The following EVC variants were observed in gnomAD, a reference collection of about 807,000 sequenced individuals.
The protein encoded by EVC is evC complex member EVC.
Under a neutral mutation model 118.9 loss-of-function variants are expected in EVC, and 116 were observed. The observed-to-expected ratio is 0.98, with a 90% CI of 0.84 to 1.14. The LOEUF (loss-of-function observed/expected upper bound fraction) is 1.14. Among genes scored for constraint, EVC ranks in the 50% most tolerant of loss-of-function variants. The pLI is 0.00. For missense variants in EVC, 1,401 were observed against 1,246.4 expected (o/e 1.12, Z -1.87); for synonymous variants, 619 against 534.7 (o/e 1.16, Z -2.18).
intron 19 of EVC, 137 bp downstream of exon 19, chr4:5,809,748 C>T (rs770788877): frequency 8.6e-6 from 7 of 812,548 alleles, no homozygotes; most frequent in Non-Finnish European, 1.4e-5. Flanking sequence ...GTGACCTTGT[C>T]TGTAAATGAG....
In EVC at chr4:5,808,298, C is replaced by G. The variant is rs767937586; in HGVS notation, c.2659C>G (p.Leu887Val). The G allele has an allele frequency of 3.7e-6, 6 of 1,614,078 alleles. No homozygotes were observed. The highest frequency in any genetic ancestry group is 2.2e-5 in the South Asian group (2 of 91,092). ...GCAGCAGGCAGGAGTCATGGACCTT[C>G]TGGAAGCCCAGCTGGAGACCCAGCT... The part of the protein sequence containing the change: ...QQQQAGVMDL[L>V]EAQLETQLQE... Residue 887 changes from leucine to valine, a missense_variant, in exon 18 of 21, where the codon CTG (leucine) becomes GTG (valine). By Grantham distance (32) the Leu-to-Val change is conservative. Coordinates refer to ENST00000264956, the MANE Select transcript of EVC (RefSeq NM_153717.3).
In EVC at chr4:5,752,728, CAGTGCCATT is replaced by C. The variant is rs940002192; in HGVS notation, c.1099-104_1099-96del. ...TCCCTCTGAGCTCCGCTCTCCCAGG[CAGTGCCATT>C]AGTTAATGACCCTGGTGGCTTCTTC... On this transcript the variant is annotated intron_variant, in intron 8 of 20. Coordinates refer to ENST00000264956, the MANE Select transcript of EVC (RefSeq NM_153717.3). 5 of 1,099,312 alleles carry C rather than the reference CAGTGCCATT, an allele frequency of 4.5e-6. No homozygotes were observed. In the Admixed American group the frequency reaches 7.0e-5, roughly 15 times the overall value. The allele number at this position is 1,099,312 out of a possible 1,614,324, so 68.1% of individuals were successfully genotyped here. A position where few individuals can be genotyped will look rare whatever the true frequency, so the allele number is the denominator to read the frequency against.
intron 2 of EVC, among the ~76,000 whole-genome samples, chr4:5,727,578 G>T (rs1277821964): frequency 3.6e-4 from 53 of 147,828 alleles, no homozygotes; most frequent in South Asian, 1.7e-3. Flanking sequence ...TTAGTTTAAT[G>T]AGATCCCATT....
chr4:5,753,590 G>T (rs1014899567), intron 9 of EVC, among the ~76,000 whole-genome samples, 195 bp from the exon 10 acceptor site: 1 of 152,156 alleles, frequency 6.6e-6, no homozygotes, highest in African/African-American at 2.4e-5. Flanking sequence ...AGACGTGGAG[G>T]CATCTGGGCT....
intron 2 of EVC, among the ~76,000 whole-genome samples, chr4:5,728,675 G>A (rs73071993): frequency 0.18 from 27,961 of 152,172 alleles, 2,703 homozygotes; most frequent in African/African-American, 0.24. Context: ...AGGTTCAGAG[G>A]AGTTAGAAGA....
intron 6 of EVC, among the ~76,000 whole-genome samples, chr4:5,744,278 C>G (rs1043363404): frequency 1.3e-5 from 2 of 152,162 alleles, no homozygotes; most frequent in African/African-American, 4.8e-5. Flanking sequence ...CATAATTTCT[C>G]TTTCACAGAG....
At chr4:5,804,589 C>A in intron 16 of EVC, 141 bp from the exon 17 acceptor site, 1 of 730,892 alleles carries the variant, frequency 1.4e-6, no homozygotes, top group Non-Finnish European at 2.5e-6. Context: ...GCACACAATG[C>A]CCTGTCCCTG....
chr4:5,735,371 A>T (rs113835593), intron 5 of EVC, among the ~76,000 whole-genome samples: 1 of 152,118 alleles, frequency 6.6e-6, no homozygotes, highest in African/African-American at 2.4e-5. Context: ...ACCCTAGTCC[A>T]CCCTTTGACA....
In EVC at chr4:5,808,240, A is replaced by C. The variant is rs1716313861; in HGVS notation, c.2601A>C (p.Pro867=). The C allele has an allele frequency of 1.2e-6, 2 of 1,601,076 alleles. No homozygotes were observed. Among genetic ancestry groups the C allele is most frequent in the Non-Finnish European group, 1.7e-6 (2 of 1,175,056 alleles). Residue 867 remains proline, a synonymous_variant, in exon 18 of 21, where the codon CCA becomes CCC. Coordinates refer to ENST00000264956, the MANE Select transcript of EVC (RefSeq NM_153717.3). ...SQQKRFLAQF[P]VHQQMRLHAQ... ...AGAAGAGGTTCCTGGCCCAGTTCCC[A>C]GTGCACCAGCAGATGCGTCTGCACG...
intron 11 of EVC, among the ~76,000 whole-genome samples, chr4:5,769,207 C>T (rs895690228): frequency 3.9e-5 from 6 of 152,144 alleles, no homozygotes; most frequent in Non-Finnish European, 8.8e-5. Flanking sequence ...AGCAAAGTCA[C>T]ATCTTAAATG....
chr4:5,733,326 T>C (rs1433020631), intron 4 of EVC, 25 bp from the exon 5 acceptor site: 7 of 1,601,420 alleles, frequency 4.4e-6, no homozygotes, highest in Non-Finnish European at 5.1e-6. Flanking sequence ...TGAAAGTCTT[T>C]TCCGCTTCTC....
intron 6 of EVC, 21 bp from the exon 7 acceptor site, chr4:5,745,183 T>A: frequency 6.2e-7 from 1 of 1,607,218 alleles, no homozygotes; most frequent in Non-Finnish European, 8.5e-7. Context: ...ATTTGCTTTC[T>A]TTTTTCTTCT....
At chr4:5,822,952 C>T in the EVC span, among the ~76,000 whole-genome samples, 2 of 152,182 alleles carry the variant, frequency 1.3e-5, no homozygotes, top group Admixed American at 6.5e-5. Flanking sequence ...TCCTTGCAGT[C>T]GGCTCCTTTC....
Position 5,798,706 on chromosome 4 carries a change from A to G in EVC, c.2218A>G (p.Met740Val), listed in dbSNP as rs2152345816. Residue 740 changes from methionine to valine, a missense_variant, in exon 15 of 21, where the codon ATG (methionine) becomes GTG (valine). By Grantham distance (21) the Met-to-Val change is conservative. Transcript: ENST00000264956. The surrounding 1 kb of genome is among the most constrained non-coding windows in gnomAD (Gnocchi z 4.1). Reference sequence around the variant, plus strand: ...GGTGGGGCAGCTTCTGCAGCAGCACATGGAGTGCGCCATTGGGCAGGCGCT... The same window carrying G: ...GGTGGGGCAGCTTCTGCAGCAGCACGTGGAGTGCGCCATTGGGCAGGCGCT... ...QEVGQLLQQH[M>V]ECAIGQALLV... The G allele has an allele frequency of 6.2e-7, 1 of 1,609,858 alleles. No individual in the cohort carries two copies. Among genetic ancestry groups the G allele is most frequent in the African/African-American group, 1.3e-5 (1 of 74,966 alleles).
rs1403176525 is a variant in EVC, at chr4:5,807,470, C to T, written c.2562-731C>T. Among the ~76,000 whole-genome samples, 8 of 152,298 alleles carry T rather than the reference C, an allele frequency of 5.3e-5. No individual in the cohort carries two copies. In the East Asian group the frequency reaches 1.5e-3, roughly 29 times the overall value. The stretch of plus-strand genomic sequence containing the variant: ...CCTGACTTCAGGTCTAGAAATTCGA[C>T]CCCTTTCAGAAAATCTGCCCTAAAA... On this transcript the variant is annotated intron_variant, in intron 17 of 20. Coordinates refer to ENST00000264956, the MANE Select transcript of EVC (RefSeq NM_153717.3).
chr4:5,801,971 G>A lies in EVC; in HGVS notation c.2326G>A (p.Val776Met). The A allele has an allele frequency of 6.2e-7, 1 of 1,613,828 alleles. No individual in the cohort carries two copies. Among genetic ancestry groups the A allele is most frequent in the Non-Finnish European group, 8.5e-7 (1 of 1,180,004 alleles). Residue 776 changes from valine (V) to methionine (M), a missense_variant, in exon 16 of 21, where the codon GTG becomes ATG. Val to Met is a conservative substitution (Grantham distance 21, BLOSUM62 1). Coordinates refer to ENST00000264956, the MANE Select transcript of EVC (RefSeq NM_153717.3). The stretch of plus-strand genomic sequence containing the variant: ...TCAGAGGACACTGATGGAGGCGGCA[G>A]TGGAGAGCGTCTACGTGACCAGCGC... ...DFKRTLMEAA[V>M]ESVYVTSAGV... is the part of the protein sequence containing the mutation.
chr4:5,754,837 G>A lies in EVC; in HGVS notation c.1464+904G>A, dbSNP rs1730920830. Among the ~76,000 whole-genome samples, 1 of 152,284 alleles carries A rather than the reference G, an allele frequency of 6.6e-6. No individual in the cohort carries two copies. The highest frequency in any genetic ancestry group is 2.1e-4 in the South Asian group (1 of 4,812). ...TGAGACCAAGGAAGGGGCAGCCCCAGCCTCACTGTTTGCCTGGGTCCGCCT... is the reference window on the plus strand; with the variant it reads ...TGAGACCAAGGAAGGGGCAGCCCCAACCTCACTGTTTGCCTGGGTCCGCCT... On this transcript the variant is annotated intron_variant, in intron 10 of 20. Coordinates refer to ENST00000264956, the MANE Select transcript of EVC (RefSeq NM_153717.3). This position sits in a 1 kb window ranked among gnomAD's most constrained non-coding sequence, Gnocchi z 5.8.
At position 5,772,464 on chromosome 4, in the gene EVC, C is replaced by T. The variant is rs546436457; in HGVS notation, c.1564-11088C>T. On this transcript the variant is annotated intron_variant, in intron 11 of 20. Transcript: ENST00000264956. ...TCTCTGATCCAGGAATTCTTGGCTACCTTCCTTTTAAGTTCTTAACCATAT... is the reference window on the plus strand; with the variant it reads ...TCTCTGATCCAGGAATTCTTGGCTATCTTCCTTTTAAGTTCTTAACCATAT... 2.6e-4 allele frequency among the ~76,000 whole-genome samples: 40 copies of T among 152,190 alleles called. 1 individual carries two copies. The East Asian group carries it at 7.2e-3, about 27-fold the overall frequency.
chr4:5,810,892 T>C lies in EVC; in HGVS notation c.2895-61T>C, dbSNP rs543652474. 3.7e-5 allele frequency: 54 copies of C among 1,441,144 alleles called. 1 individual carries two copies. In the East Asian group the frequency reaches 1.1e-3, roughly 30 times the overall value. The allele number at this position is 1,441,144 out of a possible 1,614,324, so 89.3% of individuals were successfully genotyped here. A position where few individuals can be genotyped will look rare whatever the true frequency, so the allele number is the denominator to read the frequency against. On this transcript the variant is annotated intron_variant, in intron 20 of 20. Transcript: ENST00000264956. ...TCATTTAATCCGATTGGGTAAGTTA[T>C]GGCATCATGATGGGCATGGAGTCAG...
Sources: allele counts gnomAD v4.1 joint callset (sites outside exome capture counted in the v4.1 genomes callset), GRCh38; gene constraint gnomAD v4.1.1; non-coding constraint Gnocchi (gnomAD v3.1); transcripts MANE v1.5; gene names NCBI Gene and HGNC (gene_info 2026-07-23, HGNC 2026-07-21).